Variants in AP3B2 observed in about 807,000 individuals in gnomAD.
AP3B2 encodes AP-3 complex subunit beta-2.
AP3B2 carries 50 observed loss-of-function variants against 126.9 expected under a neutral mutation model. That is an observed-to-expected ratio of 0.39 (90% confidence interval 0.31 to 0.50). The LOEUF (loss-of-function observed/expected upper bound fraction) is 0.50. AP3B2 is among the 20% of genes least tolerant of loss of function. The pLI is 0.79. For synonymous variants in AP3B2, 541 were observed against 565.0 expected (o/e 0.96, Z 0.60); for missense variants, 1,177 against 1,426.4 (o/e 0.83, Z 2.82).
intron 21 of AP3B2, 138 bp downstream of exon 21, chr15:82,663,422 C>T: frequency 8.8e-7 from 1 of 1,137,886 alleles, no homozygotes; most frequent in Admixed American, 2.0e-5. Flanking sequence ...CTGCTGCCCT[C>T]TCAGGCCTGA....
rs778500672 is a variant in AP3B2 at position 82,659,727 on chromosome 15, AG to A, written c.3156-18del. 2.5e-6 allele frequency: 4 copies of A among 1,613,486 alleles called. No homozygotes were observed. Among genetic ancestry groups the A allele is most frequent in the Non-Finnish European group, 3.4e-6 (4 of 1,179,550 alleles). Reference sequence around the variant, plus strand: ...CCTGCAAACCTGAGGTGGGAATAGAAGGGGTGAGGAAGAGCTGCTAAGGGTG... The same window carrying A: ...CCTGCAAACCTGAGGTGGGAATAGAAGGGTGAGGAAGAGCTGCTAAGGGTG... On this transcript the variant is annotated intron_variant, in intron 26 of 26. Coordinates refer to ENST00000535359, the MANE Select transcript of AP3B2 (RefSeq NM_001278512.2).
intron 1 of AP3B2, among the ~76,000 whole-genome samples, chr15:82,690,437 T>C (rs1213893167): frequency 4.0e-5 from 6 of 151,898 alleles, no homozygotes. Flanking sequence ...CAGTGTGTGA[T>C]GTTCCCCACC....
intron 1 of AP3B2, among the ~76,000 whole-genome samples, chr15:82,694,027 G>A (rs746347101): frequency 4.0e-5 from 6 of 148,552 alleles, no homozygotes; most frequent in South Asian, 4.3e-4. Flanking sequence ...TGTTTGAGAC[G>A]AAGTCTCGCT....
chr15:82,677,632 C>G lies in AP3B2; in HGVS notation c.1378+39G>C, dbSNP rs977733897. ...AGAGTCAGACCTGCAGGCAGACACC[C>G]TCTGATCATCACGGTTAGACACTCA... On this transcript the variant is annotated intron_variant, in intron 12 of 26. Transcript: ENST00000535359. 3.3e-6 allele frequency: 5 copies of G among 1,494,352 alleles called. No homozygotes were observed. In the African/African-American group the frequency reaches 7.0e-5, roughly 21 times the overall value. 92.6% of individuals were successfully genotyped at this position (1,494,352 alleles called of 1,614,324 possible).
At chr15:82,678,543 C>CAAA (rs1055789846) in intron 10 of AP3B2, among the ~76,000 whole-genome samples, 1 of 152,126 alleles carries the variant, frequency 6.6e-6, no homozygotes, top group Non-Finnish European at 1.5e-5. Flanking sequence ...TTCCAGGCCC[C>CAAA]AATCCCACTC....
At chr15:82,699,814 C>G in intron 1 of AP3B2, 1 of 399,564 alleles carries the variant, frequency 2.5e-6, no homozygotes, top group Middle Eastern at 6.3e-4. Flanking sequence ...TTGATCAGCT[C>G]CGCAGGCCCC....
In AP3B2 at chr15:82,664,040, A is replaced by C; in HGVS notation, c.2262-65T>G. On this transcript the variant is annotated intron_variant, in intron 19 of 26. Coordinates refer to ENST00000535359, the MANE Select transcript of AP3B2 (RefSeq NM_001278512.2). This position sits in a 1 kb window ranked among gnomAD's most constrained non-coding sequence, Gnocchi z 4.5. ...CACTCCCTCCTTGCTTCACAGAAGC[A>C]GGAGAAATGCTGAAAAGCTGGAGTG... The C allele has an allele frequency of 1.3e-6, 2 of 1,538,206 alleles. No homozygotes were observed. Among genetic ancestry groups the C allele is most frequent in the East Asian group, 2.3e-5 (1 of 43,534 alleles).
chr15:82,695,246 CCCA>C (rs761819330), intron 1 of AP3B2, among the ~76,000 whole-genome samples: 9 of 151,878 alleles, frequency 5.9e-5, no homozygotes, highest in Non-Finnish European at 1.3e-4. Flanking sequence ...ACTACAGTTG[CCCA>C]CCACCACACC....
chr15:82,674,875 G>C (rs1158912805), intron 14 of AP3B2, among the ~76,000 whole-genome samples: 1 of 150,122 alleles, frequency 6.7e-6, no homozygotes, highest in Admixed American at 6.7e-5. Flanking sequence ...AAATGCACAT[G>C]TAGCTCACAG....
intron 1 of AP3B2, among the ~76,000 whole-genome samples, chr15:82,691,383 C>T (rs1298382996): frequency 6.6e-6 from 1 of 152,122 alleles, no homozygotes; most frequent in African/African-American, 2.4e-5. Flanking sequence ...TTTTCTTAAA[C>T]GTTTAAAACA....
chr15:82,663,069 G>C (rs2047982221), intron 22 of AP3B2, 58 bp downstream of exon 22: 1 of 1,517,336 alleles, frequency 6.6e-7, no homozygotes, highest in South Asian at 1.2e-5. Flanking sequence ...CACACCATAG[G>C]ATGCAGCACA....
intron 1 of AP3B2, chr15:82,692,260 T>G (rs1442079566): frequency 1.7e-5 from 15 of 881,516 alleles, no homozygotes; most frequent in Non-Finnish European, 2.4e-5. Flanking sequence ...AGCTTGATCT[T>G]GCGGATCCGG....
chr15:82,674,165 G>T (rs2048205015), intron 14 of AP3B2, among the ~76,000 whole-genome samples: 1 of 152,174 alleles, frequency 6.6e-6, no homozygotes, highest in African/African-American at 2.4e-5. Context: ...CCAAATTGGA[G>T]AGAATGACTG....
intron 14 of AP3B2, among the ~76,000 whole-genome samples, chr15:82,675,085 G>C (rs1389833741): frequency 2.0e-5 from 3 of 152,204 alleles, no homozygotes; most frequent in Non-Finnish European, 4.4e-5. Flanking sequence ...AACAAAGGAA[G>C]TATACAAATA....
chr15:82,663,657 G>C (rs1320924250), intron 20 of AP3B2, 37 bp from the exon 21 acceptor site: 1 of 1,613,316 alleles, frequency 6.2e-7, no homozygotes, highest in Non-Finnish European at 8.5e-7. Context: ...GTGGGGAAGG[G>C]GAGCACCTTG....
Position 82,663,936 on chromosome 15 carries a change from CTTCT to C in AP3B2, c.2297_2300del (p.Lys766ArgfsTer28). On this transcript the variant is annotated frameshift_variant, in exon 20 of 27. Coordinates refer to ENST00000535359, the MANE Select transcript of AP3B2 (RefSeq NM_001278512.2). LOFTEE classifies it high-confidence loss of function. ...CTTCTCCTTTTCTCTCTGGCACCTT[CTTCT>C]TTGTCTTCCTCTTACCATCCTCCTC... 6.2e-7 allele frequency: 1 copy of C among 1,608,886 alleles called. No homozygotes were observed. The highest frequency in any genetic ancestry group is 8.5e-7 in the Non-Finnish European group (1 of 1,179,816).
intron 1 of AP3B2, among the ~76,000 whole-genome samples, chr15:82,705,266 TA>T (rs1432773574): frequency 4.6e-5 from 7 of 152,190 alleles, no homozygotes; most frequent in Admixed American, 1.3e-4. Flanking sequence ...TTAAAAGGAT[TA>T]AAGCCTGTTA....
chr15:82,689,148 T>C lies in AP3B2; in HGVS notation c.264+10A>G, dbSNP rs1356982147. 1 of 1,613,378 alleles carries C rather than the reference T, an allele frequency of 6.2e-7. No homozygotes were observed. The highest frequency in any genetic ancestry group is 1.7e-5 in the Admixed American group (1 of 60,014). ...TGGGGACAAGCAATCCCTCACCAGGTAGTGCTCACCTCTATGTTCTTACAG... is the reference window on the plus strand; with the variant it reads ...TGGGGACAAGCAATCCCTCACCAGGCAGTGCTCACCTCTATGTTCTTACAG... On this transcript the variant is annotated intron_variant, in intron 3 of 26. Transcript: ENST00000535359.
intron 1 of AP3B2, among the ~76,000 whole-genome samples, chr15:82,695,332 C>G (rs564088677): frequency 6.6e-6 from 1 of 152,170 alleles, no homozygotes; most frequent in South Asian, 2.1e-4. Flanking sequence ...CTCCTGACCT[C>G]AAGTGATCCA....
Sources: allele counts gnomAD v4.1 joint callset (sites outside exome capture counted in the v4.1 genomes callset), GRCh38; gene constraint gnomAD v4.1.1; non-coding constraint Gnocchi (gnomAD v3.1); transcripts MANE v1.5; gene names NCBI Gene and HGNC (gene_info 2026-07-23, HGNC 2026-07-21).